Variants in DDX10 observed in about 807,000 individuals in gnomAD.
DDX10 encodes DEAD-box helicase 10, also known as probable ATP-dependent RNA helicase DDX10.
DDX10 carries 74 observed loss-of-function variants against 104.3 expected under a neutral mutation model. The ratio of observed to expected loss-of-function variants is 0.71; its 90% CI spans 0.59 to 0.86. The LOEUF is 0.86. Among genes scored for constraint, DDX10 ranks in the 40% least tolerant of loss-of-function variants. The pLI is 0.00. For synonymous variants in DDX10, 351 were observed against 353.4 expected (o/e 0.99, Z 0.08); for missense variants, 952 against 1,040.0 (o/e 0.92, Z 1.16).
intron 16 of DDX10, among the ~76,000 whole-genome samples, chr11:108,872,058 ACATT>A (rs1863089738): frequency 6.6e-6 from 1 of 152,266 alleles, no homozygotes; most frequent in South Asian, 2.1e-4. Flanking sequence ...TACAAAAATG[ACATT>A]CATTGCGACA....
At chr11:108,804,803 A>G (rs1359528186) in intron 13 of DDX10, among the ~76,000 whole-genome samples, 3 of 152,182 alleles carry the variant, frequency 2.0e-5, no homozygotes, top group Admixed American at 6.5e-5. Flanking sequence ...GCCACCTCCT[A>G]TGGACTAAAT....
At chr11:108,928,587 G>A (rs1863939061) in intron 17 of DDX10, among the ~76,000 whole-genome samples, 2 of 152,152 alleles carry the variant, frequency 1.3e-5, no homozygotes, top group Non-Finnish European at 2.9e-5. Flanking sequence ...CTGTGGGTTT[G>A]GGGATTTGAC....
chr11:108,888,410 T>C (rs925675532), intron 16 of DDX10, among the ~76,000 whole-genome samples: 1 of 152,206 alleles, frequency 6.6e-6, no homozygotes, highest in African/African-American at 2.4e-5. Flanking sequence ...CTAAACTTCT[T>C]TCTTTACTAT....
At chr11:108,884,846 T>C (rs942689274) in intron 16 of DDX10, among the ~76,000 whole-genome samples, 3 of 152,248 alleles carry the variant, frequency 2.0e-5, no homozygotes, top group African/African-American at 4.8e-5. Flanking sequence ...CCAAGTCTTA[T>C]GAATGGAGCC....
intron 1 of DDX10, among the ~76,000 whole-genome samples, chr11:108,671,204 C>G (rs533709237): frequency 2.6e-5 from 4 of 152,328 alleles, no homozygotes; most frequent in African/African-American, 9.6e-5. Flanking sequence ...CGCTCTGTTG[C>G]CCAGGCTGGA....
At chr11:108,842,737 T>C (rs889787758) in intron 15 of DDX10, among the ~76,000 whole-genome samples, 26 of 152,246 alleles carry the variant, frequency 1.7e-4, no homozygotes, top group African/African-American at 5.1e-4. Flanking sequence ...AATTGAAATT[T>C]GATATTAGCA....
intron 16 of DDX10, among the ~76,000 whole-genome samples, chr11:108,916,690 C>G (rs539838553): frequency 1.3e-4 from 20 of 152,196 alleles, no homozygotes; most frequent in Admixed American, 3.3e-4. Context: ...TTTTTTTAGT[C>G]CCACTTATAA....
chr11:108,833,397 C>G (rs568106478), intron 13 of DDX10, among the ~76,000 whole-genome samples: 1 of 152,228 alleles, frequency 6.6e-6, no homozygotes, highest in Non-Finnish European at 1.5e-5. Flanking sequence ...TGCACTGCTG[C>G]GTCCTCACTA....
In DDX10 at chr11:108,665,155, TG is replaced by T; in HGVS notation, c.5del (p.Gly2?). On this transcript the variant is annotated frameshift_variant and start_lost, in exon 1 of 18. Coordinates refer to ENST00000322536, the MANE Select transcript of DDX10 (RefSeq NM_004398.4). LOFTEE classifies it high-confidence loss of function. ...CGAGCTGTCGCCGCCGCCGCCGCAA[TG>T]GGCAAAACGGCCAACTCTCCGGGTT... MGKTANSPGSG... is the reference protein window; with the variant it reads XGKTANSPGSG... 2 of 1,604,572 alleles carry T rather than the reference TG, an allele frequency of 1.2e-6. No individual in the cohort carries two copies. The highest frequency in any genetic ancestry group is 1.7e-6 in the Non-Finnish European group (2 of 1,176,816).
chr11:108,687,740 C>G (rs1186354772), intron 6 of DDX10, among the ~76,000 whole-genome samples: 1 of 152,114 alleles, frequency 6.6e-6, no homozygotes, highest in Non-Finnish European at 1.5e-5. Flanking sequence ...TCTTCTAATT[C>G]TTTTGATAGT....
At chr11:108,859,352 T>TA (rs1862910601) in intron 16 of DDX10, among the ~76,000 whole-genome samples, 1 of 152,228 alleles carries the variant, frequency 6.6e-6, no homozygotes. Flanking sequence ...TGTTTGGTGT[T>TA]AGAGTCAGAA....
chr11:108,774,701 T>C (rs930928240), intron 13 of DDX10, among the ~76,000 whole-genome samples: 1 of 152,210 alleles, frequency 6.6e-6, no homozygotes, highest in Non-Finnish European at 1.5e-5. Context: ...TTCTGTGTTT[T>C]CTCCAGCCAA....
intron 16 of DDX10, among the ~76,000 whole-genome samples, chr11:108,853,242 C>T (rs1439151719): frequency 6.6e-6 from 1 of 152,078 alleles, no homozygotes; most frequent in Non-Finnish European, 1.5e-5. Context: ...AACACCATGG[C>T]AGAACCACCA....
At chr11:108,760,740 T>C (rs1299859219) in intron 13 of DDX10, among the ~76,000 whole-genome samples, 1 of 151,836 alleles carries the variant, frequency 6.6e-6, no homozygotes, top group Non-Finnish European at 1.5e-5. Flanking sequence ...CTTTATCCTG[T>C]TTTTGTATCT....
intron 16 of DDX10, among the ~76,000 whole-genome samples, chr11:108,867,233 A>G (rs1294947284): frequency 1.3e-5 from 2 of 152,166 alleles, no homozygotes; most frequent in African/African-American, 2.4e-5. Context: ...TAATTATAAT[A>G]AGTAGTTTGA....
At chr11:108,832,103 T>C (rs1862480929) in intron 13 of DDX10, among the ~76,000 whole-genome samples, 1 of 152,132 alleles carries the variant, frequency 6.6e-6, no homozygotes, top group Non-Finnish European at 1.5e-5. Context: ...TACAAAATCT[T>C]GTCAAAAAAT....
At chr11:108,847,755 C>T (rs1862738511) in intron 15 of DDX10, among the ~76,000 whole-genome samples, 1 of 152,188 alleles carries the variant, frequency 6.6e-6, no homozygotes, top group African/African-American at 2.4e-5. Flanking sequence ...GTAACACTTG[C>T]TTAACTGGAC....
chr11:108,882,543 A>G (rs1863240969), intron 16 of DDX10, among the ~76,000 whole-genome samples: 1 of 152,322 alleles, frequency 6.6e-6, no homozygotes, highest in Non-Finnish European at 1.5e-5. Flanking sequence ...TTAAAACCCC[A>G]TAACAACTTC....
At chr11:108,808,523 T>C (rs1244463741) in intron 13 of DDX10, among the ~76,000 whole-genome samples, 2 of 152,190 alleles carry the variant, frequency 1.3e-5, no homozygotes, top group Non-Finnish European at 2.9e-5. Context: ...AGCCACATTG[T>C]AGAAATAGGG....
Sources: allele counts gnomAD v4.1 joint callset (sites outside exome capture counted in the v4.1 genomes callset), GRCh38; gene constraint gnomAD v4.1.1; transcripts MANE v1.5; gene names NCBI Gene and HGNC (gene_info 2026-07-23, HGNC 2026-07-21).